The following SSU72 variants were observed in gnomAD, a reference collection of about 807,000 sequenced individuals.
SSU72 encodes RNA polymerase II subunit A C-terminal domain phosphatase SSU72.
In SSU72, 12 loss-of-function variants were observed where a neutral mutation model predicts 22.7. That is an observed-to-expected ratio of 0.53 (90% CI 0.34 to 0.86). The LOEUF (loss-of-function observed/expected upper bound fraction) is 0.86, where lower values mean the gene tolerates loss of function less well. Among genes scored for constraint, SSU72 ranks in the 40% least tolerant of loss-of-function variants. The pLI is 0.02. For missense variants in SSU72, 151 were observed against 249.8 expected, an observed-to-expected ratio of 0.60 and a Z score of 2.67; for synonymous variants, 116 against 98.3, an observed-to-expected ratio of 1.18 and a Z score of -1.06.
At chr1:1,567,296 T>A (rs1003478978) in intron 1 of SSU72, among the ~76,000 whole-genome samples, 3 of 152,194 alleles carry the variant, frequency 2.0e-5, no homozygotes, top group African/African-American at 7.2e-5. Flanking sequence ...CTGAGGCTGA[T>A]GACAGCTGCG....
intron 2 of SSU72, among the ~76,000 whole-genome samples, chr1:1,559,926 T>A (rs1179002606): frequency 6.6e-6 from 1 of 152,106 alleles, no homozygotes; most frequent in African/African-American, 2.4e-5. Flanking sequence ...GGTTTCTCCA[T>A]TTTGGTCAGG....
Position 1,543,858 on chromosome 1 carries a change from C to T in SSU72, c.483+11G>A, listed in dbSNP as rs755135995. On this transcript the variant is annotated intron_variant, in intron 4 of 4. Coordinates refer to ENST00000291386, the MANE Select transcript of SSU72 (RefSeq NM_014188.3). ...ACCTCTGCCCAGCGCGGCGCCCAGC[C>T]GGGTACTTACACACTGGCAGAGCTC... 11 of 1,607,262 alleles carry T rather than the reference C, an allele frequency of 6.8e-6. No homozygotes were observed. Among genetic ancestry groups the T allele is most frequent in the African/African-American group, 4.0e-5 (3 of 74,802 alleles).
chr1:1,556,456 G>A (rs1457388388), intron 2 of SSU72, among the ~76,000 whole-genome samples: 2 of 151,982 alleles, frequency 1.3e-5, no homozygotes, highest in African/African-American at 4.8e-5. Context: ...CAGGAGAATC[G>A]CTTGAACCCA....
intron 2 of SSU72, among the ~76,000 whole-genome samples, chr1:1,547,275 T>C (rs557907499): frequency 1.3e-5 from 2 of 152,322 alleles, no homozygotes; most frequent in South Asian, 4.1e-4. Flanking sequence ...GCAGAGCTCA[T>C]GGACGTTCAA....
intron 1 of SSU72, among the ~76,000 whole-genome samples, chr1:1,572,796 AACAAAGGATC>A (rs1209371182): frequency 1.3e-5 from 2 of 148,364 alleles, no homozygotes. Flanking sequence ...GAAAATCTTG[AACAAAGGATC>A]ACCAAGGAGA....
At position 1,554,844 on chromosome 1, in the gene SSU72, GCCCCACGTA is replaced by G. The variant is rs1270676655; in HGVS notation, c.225-9851_225-9843del. On this transcript the variant is annotated intron_variant, in intron 2 of 4. Coordinates refer to ENST00000291386, the MANE Select transcript of SSU72 (RefSeq NM_014188.3). The surrounding 1 kb of genome is among the most constrained non-coding windows in gnomAD (Gnocchi z 4.1). ...CCTGGGTTCCCTGCTGCCGGCGCCA[GCCCCACGTA>G]CCCCCGACCACCTCAGCTCCTGGCC... Among the ~76,000 whole-genome samples the G allele has an allele frequency of 6.6e-6, 1 of 152,154 alleles. No individual in the cohort carries two copies. Among genetic ancestry groups the G allele is most frequent in the Admixed American group, 6.6e-5 (1 of 15,266 alleles).
chr1:1,553,779 G>GA (rs1196557469), intron 2 of SSU72, among the ~76,000 whole-genome samples: 1 of 139,980 alleles, frequency 7.1e-6, no homozygotes, highest in Non-Finnish European at 1.5e-5. Flanking sequence ...GTGGCAGAGC[G>GA]AGACTCCGTC....
chr1:1,542,022 G>A lies in SSU72; in HGVS notation c.*44C>T, dbSNP rs1053334653. On this transcript the variant is annotated 3_prime_UTR_variant, in exon 5 of 5. Transcript: ENST00000291386. This position sits in a 1 kb window ranked among gnomAD's most constrained non-coding sequence, Gnocchi z 4.4. ...ACAAATGTCAGGAAGGAAAAAGTATGAACAACAGGAAGCTCCAGAGGCGGC... is the reference window on the plus strand; with the variant it reads ...ACAAATGTCAGGAAGGAAAAAGTATAAACAACAGGAAGCTCCAGAGGCGGC... 2 of 1,531,020 alleles carry A rather than the reference G, an allele frequency of 1.3e-6. No individual in the cohort carries two copies. Among genetic ancestry groups the A allele is most frequent in the Non-Finnish European group, 1.8e-6 (2 of 1,128,316 alleles). The allele number at this position is 1,531,020 out of a possible 1,614,324, so 94.8% of individuals were successfully genotyped here. A position where few individuals can be genotyped will look rare whatever the true frequency, so the allele number is the denominator to read the frequency against.
chr1:1,550,390 T>C (rs1642441930), intron 2 of SSU72, among the ~76,000 whole-genome samples: 1 of 152,204 alleles, frequency 6.6e-6, no homozygotes, highest in South Asian at 2.1e-4. Flanking sequence ...GCACATTTGT[T>C]CAATTTTAAT....
At position 1,549,247 on chromosome 1, in the gene SSU72, C is replaced by T. The variant is rs544989873; in HGVS notation, c.225-4245G>A. ...AAAAAATTACCAGCCTGGGGCCGGG[C>T]ACGGTGGCTCACGCCTGTAATCCCA... On this transcript the variant is annotated intron_variant, in intron 2 of 4. Transcript: ENST00000291386. Among the ~76,000 whole-genome samples, 11 of 152,142 alleles carry T rather than the reference C, an allele frequency of 7.2e-5. No homozygotes were observed. The South Asian group carries it at 2.3e-3, about 32-fold the overall frequency.
At chr1:1,548,694 G>T (rs796460064) in intron 2 of SSU72, among the ~76,000 whole-genome samples, 1 of 152,120 alleles carries the variant, frequency 6.6e-6, no homozygotes, top group Non-Finnish European at 1.5e-5. Context: ...CACATGGACC[G>T]CGGTGAGGAA....
chr1:1,551,079 CGGGG>C lies in SSU72; in HGVS notation c.225-6081_225-6078del, dbSNP rs1263068875. ...TGGCTGCTTCCCCAGGCCAGCTGCACGGGGACCTTCCATGTGGGTTAAATGTCCA... is the reference window on the plus strand; with the variant it reads ...TGGCTGCTTCCCCAGGCCAGCTGCACACCTTCCATGTGGGTTAAATGTCCA... On this transcript the variant is annotated intron_variant, in intron 2 of 4. Coordinates refer to ENST00000291386, the MANE Select transcript of SSU72 (RefSeq NM_014188.3). 3.3e-5 allele frequency among the ~76,000 whole-genome samples: 5 copies of C among 152,268 alleles called. No homozygotes were observed. In the East Asian group the frequency reaches 9.6e-4, roughly 29 times the overall value.
In SSU72 at chr1:1,544,040, G is replaced by A. The variant is rs1440639174; in HGVS notation, c.365-53C>T. 2.8e-6 allele frequency: 4 copies of A among 1,424,400 alleles called. No individual in the cohort carries two copies. The African/African-American group carries it at 4.3e-5, about 15-fold the overall frequency. 88.2% of individuals were successfully genotyped at this position (1,424,400 alleles called of 1,614,324 possible). ...CAGAGGCTCCAAAACCAGGGAACAGGCAGTCAATGTGGCTGAGTCCCCAGC... is the reference window on the plus strand; with the variant it reads ...CAGAGGCTCCAAAACCAGGGAACAGACAGTCAATGTGGCTGAGTCCCCAGC... On this transcript the variant is annotated intron_variant, in intron 3 of 4. Transcript: ENST00000291386.
chr1:1,542,259 G>T lies in SSU72; in HGVS notation c.484-92C>A. 7.8e-7 allele frequency: 1 copy of T among 1,275,912 alleles called. No individual in the cohort carries two copies. The highest frequency in any genetic ancestry group is 1.1e-6 in the Non-Finnish European group (1 of 905,284). 79.0% of individuals were successfully genotyped at this position (1,275,912 alleles called of 1,614,324 possible). A position where few individuals can be genotyped will look rare whatever the true frequency, so the allele number is the denominator to read the frequency against. On this transcript the variant is annotated intron_variant, in intron 4 of 4. Transcript: ENST00000291386. The surrounding 1 kb of genome is among the most constrained non-coding windows in gnomAD (Gnocchi z 4.4). ...ATCGCCAGGGAAACGCCAGGCCTGA[G>T]CCAGCAGAAACCAGCGCAGCAGGCA...
rs1642546473 is a variant in SSU72, at chr1:1,558,411, A to G, written c.224+6362T>C. Among the ~76,000 whole-genome samples, 4 of 152,258 alleles carry G rather than the reference A, an allele frequency of 2.6e-5. No homozygotes were observed. In the South Asian group the frequency reaches 8.3e-4, roughly 32 times the overall value. On this transcript the variant is annotated intron_variant, in intron 2 of 4. Coordinates refer to ENST00000291386, the MANE Select transcript of SSU72 (RefSeq NM_014188.3). ...TAATCCAAACCCCAAACGTCATTAGAAAAAATTAGGTAATTAGAAAAAAAT... is the reference window on the plus strand; with the variant it reads ...TAATCCAAACCCCAAACGTCATTAGGAAAAATTAGGTAATTAGAAAAAAAT...
intron 2 of SSU72, among the ~76,000 whole-genome samples, chr1:1,558,796 A>G (rs1288500532): frequency 6.6e-6 from 1 of 151,898 alleles, no homozygotes; most frequent in African/African-American, 2.4e-5. Context: ...CTCCTCCTCT[A>G]CCCTCTGGGC....
intron 2 of SSU72, among the ~76,000 whole-genome samples, chr1:1,556,124 C>T (rs1642517274): frequency 6.6e-6 from 1 of 151,940 alleles, no homozygotes; most frequent in Admixed American, 6.6e-5. Context: ...GGCAAAACCC[C>T]ATCTCTACAA....
chr1:1,542,078 G>C lies in SSU72; in HGVS notation c.573C>G (p.Val191=). 6.3e-7 allele frequency: 1 copy of C among 1,583,166 alleles called. No homozygotes were observed. The highest frequency in any genetic ancestry group is 8.6e-7 in the Non-Finnish European group (1 of 1,164,586). The change falls in exon 5 of 5, where the codon GTC becomes GTG. Residue 191 remains valine, a synonymous_variant. Coordinates refer to ENST00000291386, the MANE Select transcript of SSU72 (RefSeq NM_014188.3). The surrounding 1 kb of genome is among the most constrained non-coding windows in gnomAD (Gnocchi z 4.4). ...GCGGGCGCTGGGCTCAGTAGAAGCA[G>C]ACGGTGTGCAGAAAGGTGCGGCCAC... ...EKSGRTFLHT[V]CFY
rs908381117 is a variant in SSU72 at position 1,541,923 on chromosome 1, T to G, written c.*143A>C. Reference sequence around the variant, plus strand: ...ATTGCTTTCATCTGGCGTTTTGGCATCTCCTCTCCCATTTCATATGCACAG... The same window carrying G: ...ATTGCTTTCATCTGGCGTTTTGGCAGCTCCTCTCCCATTTCATATGCACAG... On this transcript the variant is annotated 3_prime_UTR_variant, in exon 5 of 5. Transcript: ENST00000291386. 40 of 701,092 alleles carry G rather than the reference T, an allele frequency of 5.7e-5. No individual in the cohort carries two copies. The highest frequency in any genetic ancestry group is 4.5e-4 in the African/African-American group (25 of 55,160). 43.4% of individuals were successfully genotyped at this position (701,092 alleles called of 1,614,324 possible). A position where few individuals can be genotyped will look rare whatever the true frequency, so the allele number is the denominator to read the frequency against.
Sources: allele counts gnomAD v4.1 joint callset (sites outside exome capture counted in the v4.1 genomes callset), GRCh38; gene constraint gnomAD v4.1.1; non-coding constraint Gnocchi (gnomAD v3.1); transcripts MANE v1.5; gene names NCBI Gene and HGNC (gene_info 2026-07-23, HGNC 2026-07-21).